The following KCNN2 variants were observed in gnomAD, a reference collection of about 807,000 sequenced individuals.
The protein encoded by KCNN2 is small conductance calcium-activated potassium channel protein 2.
In KCNN2, 24 loss-of-function variants were observed where a neutral mutation model predicts 55.5. The observed-to-expected ratio is 0.43, with a 90% CI of 0.31 to 0.61. KCNN2 has a LOEUF of 0.61. Among genes scored for constraint, KCNN2 ranks in the 20% least tolerant of loss-of-function variants. KCNN2 has a pLI of 0.08. For synonymous variants in KCNN2, 431 were observed against 336.1 expected (o/e 1.28, Z -3.09); for missense variants, 754 against 853.6 (o/e 0.88, Z 1.45).
At chr5:114,154,568 A>G (rs1040810718) in intron 1 of KCNN2, among the ~76,000 whole-genome samples, 18 of 152,108 alleles carry the variant, frequency 1.2e-4, no homozygotes, top group Non-Finnish European at 8.8e-5. Flanking sequence ...CCTTTTACTT[A>G]TTTTCAGTGA....
chr5:114,060,803 A>G (rs1252634686), intron 1 of KCNN2, among the ~76,000 whole-genome samples: 1 of 152,244 alleles, frequency 6.6e-6, no homozygotes, highest in African/African-American at 2.4e-5. Context: ...GCATGTAAGA[A>G]GGGCACAGTG....
At chr5:114,464,780 A>AAAAT (rs1364019039) in intron 4 of KCNN2, among the ~76,000 whole-genome samples, 1 of 152,192 alleles carries the variant, frequency 6.6e-6, no homozygotes, top group Middle Eastern at 3.4e-3. Flanking sequence ...CTTTAAAAGA[A>AAAAT]AAATAATAGT....
intron 2 of KCNN2, among the ~76,000 whole-genome samples, chr5:114,379,213 G>C (rs1465121946): frequency 6.6e-6 from 1 of 151,840 alleles, no homozygotes; most frequent in Non-Finnish European, 1.5e-5. Flanking sequence ...CCCCAGGGAA[G>C]ACCCTCGCCA....
At chr5:114,495,264 A>T (rs1055833453) in intron 7 of KCNN2, among the ~76,000 whole-genome samples, 2 of 152,192 alleles carry the variant, frequency 1.3e-5, no homozygotes, top group Non-Finnish European at 2.9e-5. Flanking sequence ...CTTAACTAAT[A>T]TTCTCTCAAT....
chr5:114,111,309 A>G (rs540654310), intron 1 of KCNN2, among the ~76,000 whole-genome samples: 14 of 152,306 alleles, frequency 9.2e-5, no homozygotes, highest in African/African-American at 3.1e-4. Context: ...TCCTTTCCTT[A>G]CACCTTATAT....
At chr5:114,480,446 C>T (rs1762175291) in intron 5 of KCNN2, among the ~76,000 whole-genome samples, 1 of 152,120 alleles carries the variant, frequency 6.6e-6, no homozygotes, top group Non-Finnish European at 1.5e-5. Context: ...AGAGCTGGTG[C>T]CATTTCTACA....
intron 1 of KCNN2, among the ~76,000 whole-genome samples, chr5:114,210,598 G>A (rs1487253602): frequency 6.6e-6 from 1 of 152,096 alleles, no homozygotes; most frequent in Non-Finnish European, 1.5e-5. Context: ...TTATATGTGA[G>A]TGAATTTTGC....
At chr5:114,163,982 G>A (rs112164232) in intron 1 of KCNN2, among the ~76,000 whole-genome samples, 4 of 152,202 alleles carry the variant, frequency 2.6e-5, no homozygotes, top group African/African-American at 7.2e-5. Context: ...GAGACCAGAA[G>A]ATGTTTTCAT....
At chr5:114,256,366 A>G (rs1441891218) in intron 2 of KCNN2, among the ~76,000 whole-genome samples, 1 of 152,172 alleles carries the variant, frequency 6.6e-6, no homozygotes, top group Non-Finnish European at 1.5e-5. Context: ...TTTTGGTATA[A>G]TGATTGCTTT....
intron 2 of KCNN2, among the ~76,000 whole-genome samples, chr5:114,364,623 T>C (rs1348707755): frequency 6.6e-6 from 1 of 152,036 alleles, no homozygotes; most frequent in Non-Finnish European, 1.5e-5. Flanking sequence ...GTTCTTTTTT[T>C]TTTTTTTGAA....
rs544435285 is a variant in KCNN2 at position 114,457,594 on chromosome 5, C to T, written c.1638-5455C>T. On this transcript the variant is annotated intron_variant, in intron 3 of 7. Transcript: ENST00000673685. The stretch of plus-strand genomic sequence containing the variant: ...ACTATCTTTTACTGCAGTCTATCTT[C>T]AAGCGGTACTGTATCACTTCACATA... 5.9e-5 allele frequency among the ~76,000 whole-genome samples: 9 copies of T among 152,244 alleles called. No individual in the cohort carries two copies. In the Middle Eastern group the frequency reaches 0.01, roughly 173 times the overall value.
intron 1 of KCNN2, among the ~76,000 whole-genome samples, chr5:114,154,278 G>C (rs1752584280): frequency 6.6e-6 from 1 of 152,146 alleles, no homozygotes; most frequent in Non-Finnish European, 1.5e-5. Flanking sequence ...GGCATGTGCA[G>C]AGAAACATGA....
intron 1 of KCNN2, among the ~76,000 whole-genome samples, chr5:114,190,250 G>T (rs1205718104): frequency 6.6e-6 from 1 of 152,050 alleles, no homozygotes; most frequent in African/African-American, 2.4e-5. Context: ...AGATACGTTA[G>T]AGAAATGCTT....
intron 2 of KCNN2, among the ~76,000 whole-genome samples, chr5:114,339,435 G>GA (rs1352186959): frequency 2.0e-5 from 3 of 152,120 alleles, no homozygotes; most frequent in African/African-American, 7.2e-5. Flanking sequence ...TATTACAAAG[G>GA]AAAAAACTAC....
At chr5:114,271,024 G>A (rs934210581) in intron 2 of KCNN2, among the ~76,000 whole-genome samples, 2 of 152,150 alleles carry the variant, frequency 1.3e-5, no homozygotes, top group African/African-American at 4.8e-5. Context: ...ATTGTGAAGA[G>A]TGAAAGAACA....
intron 2 of KCNN2, among the ~76,000 whole-genome samples, chr5:114,275,525 C>G (rs1480048965): frequency 2.6e-5 from 4 of 152,020 alleles, no homozygotes; most frequent in African/African-American, 7.2e-5. Context: ...TGTTATTTGT[C>G]TATTCAGAGA....
chr5:114,386,386 T>C (rs988498986), intron 2 of KCNN2, among the ~76,000 whole-genome samples: 36 of 151,516 alleles, frequency 2.4e-4, no homozygotes, highest in African/African-American at 8.8e-4. Context: ...GTATATGATA[T>C]AAGCAGAAAA....
At chr5:114,383,464 C>CTTTTTTTTT (rs66787954) in intron 2 of KCNN2, among the ~76,000 whole-genome samples, 1 of 102,696 alleles carries the variant, frequency 9.7e-6, no homozygotes, top group Non-Finnish European at 1.8e-5. Context: ...CCACTAAATG[C>CTTTTTTTTT]TTTTTTTTTT....
intron 2 of KCNN2, among the ~76,000 whole-genome samples, chr5:114,250,744 T>G (rs1754841463): frequency 6.6e-6 from 1 of 152,194 alleles, no homozygotes; most frequent in Admixed American, 6.5e-5. Flanking sequence ...ATGGTCTATT[T>G]TGGGCCACAC....
Sources: allele counts gnomAD v4.1 joint callset (sites outside exome capture counted in the v4.1 genomes callset), GRCh38; gene constraint gnomAD v4.1.1; transcripts MANE v1.5; gene names NCBI Gene and HGNC (gene_info 2026-07-23, HGNC 2026-07-21).